The following RYR2 variants were observed in gnomAD, a reference collection of about 807,000 sequenced individuals.
RYR2 encodes ryanodine receptor 2, also known as cardiac muscle ryanodine receptor-calcium release channel.
A neutral mutation model predicts 601.1 loss-of-function variants in RYR2; 227 were observed. The observed-to-expected ratio is 0.38, with a 90% CI of 0.34 to 0.42. The LOEUF is 0.42. RYR2 is among the 10% of genes least tolerant of loss of function. The pLI is 1.00. For missense variants in RYR2, 4,646 were observed against 6,156.5 expected (o/e 0.75, Z 8.21); for synonymous variants, 2,223 against 2,175.1 (o/e 1.02, Z -0.61).
chr1:237,219,541 T>C (rs1683570463), intron 1 of RYR2, among the ~76,000 whole-genome samples: 1 of 152,094 alleles, frequency 6.6e-6, no homozygotes, highest in Admixed American at 6.6e-5. Context: ...CCTGAAATAA[T>C]TACTAACAAA....
chr1:237,142,359 A>T (rs1673482740), intron 1 of RYR2, among the ~76,000 whole-genome samples: 1 of 152,246 alleles, frequency 6.6e-6, no homozygotes, highest in East Asian at 1.9e-4. Flanking sequence ...CCAATGCCCT[A>T]TCTAAAGGAA....
At chr1:237,411,710 A>G (rs1704469751) in intron 10 of RYR2, among the ~76,000 whole-genome samples, 1 of 152,158 alleles carries the variant, frequency 6.6e-6, no homozygotes, top group African/African-American at 2.4e-5. Context: ...TGAGACAGAG[A>G]GGTCAACAGC....
rs565104219 is a variant in RYR2 at position 237,683,313 on chromosome 1, G to T, written c.9017+2736G>T. ...GATGTTTAGATACTTCCTGGCACAA[G>T]AAATTATTATATACTGAGCATTTGC... is the stretch of plus-strand genomic sequence containing the variant. On this transcript the variant is annotated intron_variant, in intron 62 of 104. Coordinates refer to ENST00000366574, the MANE Select transcript of RYR2 (RefSeq NM_001035.3). Among the ~76,000 whole-genome samples the T allele has an allele frequency of 1.1e-4, 16 of 152,282 alleles. No homozygotes were observed. The South Asian group carries it at 2.5e-3, about 24-fold the overall frequency.
In RYR2 at chr1:237,788,084, G is replaced by T. The variant is rs760691911; in HGVS notation, c.13425G>T (p.Val4475=). 28 of 1,612,168 alleles carry T rather than the reference G, an allele frequency of 1.7e-5. No individual in the cohort carries two copies. The highest frequency in any genetic ancestry group is 1.7e-5 in the Admixed American group (1 of 59,854). ...CACACAGATACGGAGAACCAGAAGT[G>T]CCAGAGTCAGCATTCTGGAAGAAAA... ...LHTHRYGEPE[V]PESAFWKKII... The change falls in exon 92 of 105, where the codon GTG becomes GTT. Residue 4475 remains valine (V), a synonymous_variant. Coordinates refer to ENST00000366574, the MANE Select transcript of RYR2 (RefSeq NM_001035.3).
chr1:237,709,529 A>T lies in RYR2; in HGVS notation c.10192A>T (p.Met3398Leu), dbSNP rs530414110. 1 of 1,612,264 alleles carries T rather than the reference A, an allele frequency of 6.2e-7. No individual in the cohort carries two copies. Among genetic ancestry groups the T allele is most frequent in the African/African-American group, 1.3e-5 (1 of 75,000 alleles). ...CCCAGAAGCAGAGGAGCTCTTCCGC[A>T]TGGTGGCTGAAGTGTTTATCTACTG... ...PNPEAEELFR[M>L]VAEVFIYWSK... is the part of the protein sequence containing the mutation. Residue 3398 changes from methionine to leucine, a missense_variant, in exon 70 of 105, where the codon ATG becomes TTG. By Grantham distance (15) the Met-to-Leu change is conservative. Transcript: ENST00000366574.
intron 1 of RYR2, among the ~76,000 whole-genome samples, chr1:237,254,702 G>A (rs1249525732): frequency 6.6e-6 from 1 of 152,058 alleles, no homozygotes; most frequent in East Asian, 1.9e-4. Flanking sequence ...CTTACACATG[G>A]GTCTCATCTG....
chr1:237,269,280 T>G (rs1313239022), intron 1 of RYR2, among the ~76,000 whole-genome samples: 1 of 151,790 alleles, frequency 6.6e-6, no homozygotes, highest in Non-Finnish European at 1.5e-5. Flanking sequence ...CAACCTCAGG[T>G]GAGCCGCCTG....
chr1:237,415,214 C>T (rs1415276118), intron 10 of RYR2, among the ~76,000 whole-genome samples: 1 of 152,084 alleles, frequency 6.6e-6, no homozygotes, highest in African/African-American at 2.4e-5. Context: ...TTTTTAAAGT[C>T]CTGACTCCAG....
rs762480374 is a variant in RYR2, at chr1:237,441,383, G to A, written c.1070G>A (p.Gly357Asp). The change falls in exon 13 of 105, where the codon GGT becomes GAT. Residue 357 changes from glycine to aspartate, a missense_variant. This residue lies in a region of RYR2 where 1,807 missense variants were observed against 2,088.1 expected (regional missense o/e 0.87). Transcript: ENST00000366574. ...DGMGTSEIKY[G>D]DSVCYIQHVD... ...ATGGGAACATCTGAAATAAAATACG[G>A]TGACTCAGTATGCTATATACAACAT... The A allele has an allele frequency of 3.1e-6, 5 of 1,613,806 alleles. No homozygotes were observed. In the Admixed American group the frequency reaches 8.3e-5, roughly 27 times the overall value.
At chr1:237,744,605 G>A (rs1030501740) in intron 80 of RYR2, among the ~76,000 whole-genome samples, 1 of 151,756 alleles carries the variant, frequency 6.6e-6, no homozygotes, top group Non-Finnish European at 1.5e-5. Flanking sequence ...GCAGTGAGCC[G>A]AGATTGCTCC....
rs190435796 is a variant in RYR2, at chr1:237,821,612, C to A, written c.14590+2420C>A. On this transcript the variant is annotated intron_variant, in intron 101 of 104. Transcript: ENST00000366574. Reference sequence around the variant, plus strand: ...GAAAATTCCAAAAACTGGAACACCTCCTCTCCTCCAAAGTATCACAACTCC... The same window carrying A: ...GAAAATTCCAAAAACTGGAACACCTACTCTCCTCCAAAGTATCACAACTCC... 1.9e-4 allele frequency among the ~76,000 whole-genome samples: 29 copies of A among 152,122 alleles called. No homozygotes were observed. In the South Asian group the frequency reaches 2.1e-3, roughly 11 times the overall value.
intron 1 of RYR2, among the ~76,000 whole-genome samples, chr1:237,165,281 T>C (rs1243803598): frequency 6.6e-6 from 1 of 152,220 alleles, no homozygotes; most frequent in African/African-American, 2.4e-5. Context: ...TCAGTAACGC[T>C]GTAGAAATGA....
intron 1 of RYR2, among the ~76,000 whole-genome samples, chr1:237,109,551 G>A (rs75079782): frequency 0.044 from 6,773 of 152,208 alleles, 296 homozygotes; most frequent in African/African-American, 0.11. Context: ...GAAGGGCCTC[G>A]GTGATGGGCC....
At chr1:237,377,250 G>A in intron 7 of RYR2, 73 bp from the exon 8 acceptor site, 2 of 1,062,994 alleles carry the variant, frequency 1.9e-6, no homozygotes, top group Non-Finnish European at 2.7e-6. Flanking sequence ...TGTGTGTTGG[G>A]AATCATTGGC....
intron 1 of RYR2, among the ~76,000 whole-genome samples, chr1:237,212,080 T>C (rs557989024): frequency 0.016 from 599 of 38,024 alleles, 5 homozygotes; most frequent in African/African-American, 0.031. Flanking sequence ...GTTTTTGACT[T>C]TTTTTTTTTG....
chr1:237,272,018 T>C (rs1030939809), intron 2 of RYR2, among the ~76,000 whole-genome samples: 1 of 152,058 alleles, frequency 6.6e-6, no homozygotes, highest in Non-Finnish European at 1.5e-5. Flanking sequence ...TAATCCCAGC[T>C]ACTTGGGAGG....
At chr1:237,226,518 G>A (rs1684383054) in intron 1 of RYR2, among the ~76,000 whole-genome samples, 1 of 152,190 alleles carries the variant, frequency 6.6e-6, no homozygotes, top group South Asian at 2.1e-4. Context: ...AATTTAGAGA[G>A]CTCAGAAAGC....
chr1:237,492,969 T>G lies in RYR2; in HGVS notation c.1843T>G (p.Cys615Gly), dbSNP rs1055900110. The G allele has an allele frequency of 3.1e-6, 5 of 1,594,978 alleles. No homozygotes were observed. The African/African-American group carries it at 6.7e-5, about 21-fold the overall frequency. ...CTCTTTTCAGGTTCTGGATGTCTTG[T>G]GCTCACTCTGTGTTTGCCACGGGGT... ...GRNHKVLDVL[C>G]SLCVCHGVAV... Residue 615 changes from cysteine to glycine, a missense_variant, in exon 19 of 105, where the codon TGC becomes GGC. Transcript: ENST00000366574.
chr1:237,721,922 T>C (rs1170957788), intron 73 of RYR2, among the ~76,000 whole-genome samples: 1 of 152,210 alleles, frequency 6.6e-6, no homozygotes, highest in African/African-American at 2.4e-5. Context: ...CTATGACTTA[T>C]AATAATGTTT....
Sources: gnomAD v4.1 joint callset for allele counts (sites outside exome capture counted in the v4.1 genomes callset) on GRCh38, gnomAD v4.1.1 for gene constraint, gnomAD v4.1.1 regional missense constraint, MANE v1.5 for transcripts, NCBI Gene and HGNC (gene_info 2026-07-23, HGNC 2026-07-21) for gene names.